The following GPC6 variants were observed in gnomAD, a reference collection of about 807,000 sequenced individuals.
GPC6 encodes the protein glypican 6, also known as glypican-6.
A neutral mutation model predicts 55.2 loss-of-function variants in GPC6; 14 were observed. The observed-to-expected ratio is 0.25, with a 90% CI of 0.17 to 0.40. The LOEUF is 0.40. Ranked by LOEUF, GPC6 falls within the 10% of genes least tolerant of loss-of-function variation. The pLI, the probability that GPC6 is intolerant of heterozygous loss-of-function variation, is 1.00. For missense variants in GPC6, 641 were observed against 708.5 expected, an observed-to-expected ratio of 0.90 and a Z score of 1.08; for synonymous variants, 278 against 259.6, an observed-to-expected ratio of 1.07 and a Z score of -0.68.
intron 1 of GPC6, among the ~76,000 whole-genome samples, chr13:93,334,856 G>A (rs1274997505): frequency 1.3e-5 from 2 of 151,986 alleles, no homozygotes; most frequent in African/African-American, 2.4e-5. Context: ...ATGAATTTTT[G>A]TAAAAGACTT....
At chr13:93,830,647 A>G in intron 3 of GPC6, 102 bp downstream of exon 3, 1 of 1,057,648 alleles carries the variant, frequency 9.5e-7, no homozygotes. Context: ...AACCAAGGTA[A>G]AAATTCTTAA....
At chr13:93,428,527 C>A (rs1877238308) in intron 1 of GPC6, among the ~76,000 whole-genome samples, 1 of 152,152 alleles carries the variant, frequency 6.6e-6, no homozygotes, top group Non-Finnish European at 1.5e-5. Flanking sequence ...AAAAACTTCT[C>A]TACTCTGGGG....
intron 1 of GPC6, among the ~76,000 whole-genome samples, chr13:93,275,084 G>C (rs1250635570): frequency 1.3e-5 from 2 of 152,282 alleles, no homozygotes; most frequent in African/African-American, 4.8e-5. Context: ...AATATTACAG[G>C]TCCTGCTTCC....
At chr13:93,440,318 C>T (rs1204134878) in intron 1 of GPC6, among the ~76,000 whole-genome samples, 1 of 152,192 alleles carries the variant, frequency 6.6e-6, no homozygotes, top group Non-Finnish European at 1.5e-5. Context: ...GTTTCTGCCA[C>T]TTGGTCACTT....
At chr13:94,266,502 T>A (rs1891823108) in intron 4 of GPC6, among the ~76,000 whole-genome samples, 1 of 152,088 alleles carries the variant, frequency 6.6e-6, no homozygotes, top group Admixed American at 6.6e-5. Flanking sequence ...GTTCTCCTTG[T>A]CTAATAGTCC....
intron 4 of GPC6, among the ~76,000 whole-genome samples, chr13:94,033,713 G>A (rs1883221399): frequency 6.6e-6 from 1 of 152,078 alleles, no homozygotes; most frequent in African/African-American, 2.4e-5. Flanking sequence ...AATATGATAT[G>A]ACACTGGCTG....
At chr13:93,946,157 A>C (rs1311551758) in intron 3 of GPC6, among the ~76,000 whole-genome samples, 1 of 152,238 alleles carries the variant, frequency 6.6e-6, no homozygotes, top group Admixed American at 6.5e-5. Context: ...AATGAACATG[A>C]AGTTGGGAAG....
intron 4 of GPC6, among the ~76,000 whole-genome samples, chr13:94,094,196 T>C (rs992216838): frequency 1.3e-5 from 2 of 152,078 alleles, no homozygotes; most frequent in African/African-American, 4.8e-5. Flanking sequence ...GCTGAAGTCT[T>C]TCTTCCTACT....
chr13:93,231,315 ATATATATATATATACG>A (rs1478933674), intron 1 of GPC6, among the ~76,000 whole-genome samples: 12 of 56,732 alleles, frequency 2.1e-4, no homozygotes, highest in East Asian at 1.1e-3. Context: ...TCCTCATTTC[ATATATATATATATACG>A]TATATATATA....
chr13:94,390,987 T>G (rs1293986808), intron 7 of GPC6, among the ~76,000 whole-genome samples: 1 of 152,244 alleles, frequency 6.6e-6, no homozygotes, highest in Non-Finnish European at 1.5e-5. Flanking sequence ...GTGAGTCTTT[T>G]TTTCCTTTCT....
chr13:93,855,792 G>A (rs186196720), intron 3 of GPC6, among the ~76,000 whole-genome samples: 34 of 151,678 alleles, frequency 2.2e-4, no homozygotes, highest in Non-Finnish European at 1.5e-5. Flanking sequence ...CTTTTCGTAT[G>A]CTTATTTGCC....
At chr13:94,189,890 G>C (rs896656879) in intron 4 of GPC6, among the ~76,000 whole-genome samples, 8 of 152,040 alleles carry the variant, frequency 5.3e-5, no homozygotes, top group Admixed American at 2.0e-4. Context: ...GCGTGGTGGC[G>C]GGCGCCTGTA....
chr13:93,611,081 A>G (rs1878441764), intron 2 of GPC6, among the ~76,000 whole-genome samples: 1 of 152,178 alleles, frequency 6.6e-6, no homozygotes. Flanking sequence ...CCTGTTTAAA[A>G]GAGTCTAAAA....
At chr13:93,472,408 A>G (rs1879152384) in intron 1 of GPC6, among the ~76,000 whole-genome samples, 1 of 152,134 alleles carries the variant, frequency 6.6e-6, no homozygotes, top group Non-Finnish European at 1.5e-5. Context: ...GGGGTGTGTG[A>G]GCAAGTGTGG....
At chr13:93,908,358 G>A (rs1381103329) in intron 3 of GPC6, among the ~76,000 whole-genome samples, 3 of 152,202 alleles carry the variant, frequency 2.0e-5, no homozygotes, top group Non-Finnish European at 1.5e-5. Flanking sequence ...GTGATACTAT[G>A]TGATTAGAGC....
intron 3 of GPC6, among the ~76,000 whole-genome samples, chr13:93,965,406 A>T (rs886573619): frequency 1.3e-5 from 2 of 152,162 alleles, no homozygotes; most frequent in Non-Finnish European, 1.5e-5. Context: ...GCAAGACTCC[A>T]TCTCAAATAA....
chr13:93,396,971 T>C (rs1213237325), intron 1 of GPC6, among the ~76,000 whole-genome samples: 2 of 152,212 alleles, frequency 1.3e-5, no homozygotes, highest in African/African-American at 4.8e-5. Flanking sequence ...CTTTACATAC[T>C]AAATATTCTT....
chr13:93,601,873 C>T (rs974028849), intron 2 of GPC6, among the ~76,000 whole-genome samples: 7 of 152,204 alleles, frequency 4.6e-5, no homozygotes, highest in African/African-American at 1.4e-4. Context: ...TTTTAAAAAT[C>T]GTATCTGCAT....
chr13:93,785,500 A>G (rs938626997), intron 2 of GPC6, among the ~76,000 whole-genome samples: 1 of 152,114 alleles, frequency 6.6e-6, no homozygotes, highest in Non-Finnish European at 1.5e-5. Context: ...TCTGACACAG[A>G]TGGTACGTAG....
Sources: allele counts gnomAD v4.1 joint callset (sites outside exome capture counted in the v4.1 genomes callset), GRCh38; gene constraint gnomAD v4.1.1; transcripts MANE v1.5; gene names NCBI Gene and HGNC (gene_info 2026-07-23, HGNC 2026-07-21).